The following TIGD7 variants were observed in gnomAD, a reference collection of about 807,000 sequenced individuals.
The protein encoded by TIGD7 is tigger transposable element-derived protein 7.
A neutral mutation model predicts 24.8 loss-of-function variants in TIGD7; 26 were observed. The ratio of observed to expected loss-of-function variants is 1.05; its 90% confidence interval spans 0.77 to 1.45. TIGD7 has a LOEUF of 1.45. Ranked by LOEUF, TIGD7 falls within the 40% of genes most tolerant of loss-of-function variation. TIGD7 has a pLI of 0.00. For missense variants in TIGD7, 679 were observed against 641.6 expected, an observed-to-expected ratio of 1.06 and a Z score of -0.63; for synonymous variants, 221 against 224.1, an observed-to-expected ratio of 0.99 and a Z score of 0.12.
chr16:3,299,493 G>A lies in TIGD7; in HGVS notation c.1122C>T (p.Tyr374=). 1 of 1,541,398 alleles carries A rather than the reference G, an allele frequency of 6.5e-7. No homozygotes were observed. ...AGTTAAAAATTGCACTTTTTATATT[G>A]TAGATTTTAATTTTGGAAACTCCTT... ...GDKGVSKIKI[Y]NIKSAIFNWA... is the part of the protein sequence containing the mutation. The change falls in exon 2 of 2, where the codon TAC becomes TAT. Residue 374 remains tyrosine, a synonymous_variant. Coordinates refer to ENST00000396862, the MANE Select transcript of TIGD7 (RefSeq NM_033208.4).
rs1294480211 is a variant in TIGD7, at chr16:3,300,487, T to C, written c.128A>G (p.Tyr43Cys). The change falls in exon 2 of 2, where the codon TAT becomes TGT. Residue 43 changes from tyrosine to cysteine, a missense_variant. Physicochemically the swap from Tyr to Cys is radical, Grantham distance 194. Coordinates refer to ENST00000396862, the MANE Select transcript of TIGD7 (RefSeq NM_033208.4). ...TAACTTCTTATTTTTTTTAATGTCA[T>C]AAAATGTTGACTTACTGATTCCAAA... is the stretch of plus-strand genomic sequence containing the variant. Reference protein sequence around the residue: ...DEFGISKSTFYDIKKNKKLIL... With the variant: ...DEFGISKSTFCDIKKNKKLIL... The C allele has an allele frequency of 2.0e-5, 32 of 1,614,062 alleles. No individual in the cohort carries two copies. The highest frequency in any genetic ancestry group is 2.5e-5 in the Non-Finnish European group (29 of 1,180,034).
intron 1 of TIGD7, among the ~76,000 whole-genome samples, chr16:3,302,500 C>T (rs964938328): frequency 6.6e-6 from 1 of 152,076 alleles, no homozygotes; most frequent in Non-Finnish European, 1.5e-5. Flanking sequence ...ACATTCATTG[C>T]AAGAAATGCC....
rs188116112 is a variant in TIGD7 at position 3,305,362 on chromosome 16, G to T, written c.-1546C>A. ...TAGGCTTCAGCGGGTCTGGATACTCGGTGGCATTAACCCTTCCCTACCGCC... is the reference window on the plus strand; with the variant it reads ...TAGGCTTCAGCGGGTCTGGATACTCTGTGGCATTAACCCTTCCCTACCGCC... On this transcript the variant is annotated 5_prime_UTR_variant, in exon 1 of 2. Coordinates refer to ENST00000396862, the MANE Select transcript of TIGD7 (RefSeq NM_033208.4). The T allele has an allele frequency of 3.3e-3, 509 of 152,454 alleles. 3 individuals are homozygous for T. Among genetic ancestry groups the T allele is most frequent in the African/African-American group, 0.012 (479 of 41,604 alleles). The allele number at this position is 152,454 out of a possible 1,614,324, so 9.4% of individuals were successfully genotyped here. A position where few individuals can be genotyped will look rare whatever the true frequency, so the allele number is the denominator to read the frequency against.
In TIGD7 at chr16:3,299,761, T is replaced by A. The variant is rs1188761682; in HGVS notation, c.854A>T (p.His285Leu). 1 of 1,549,536 alleles carries A rather than the reference T, an allele frequency of 6.5e-7. No individual in the cohort carries two copies. The highest frequency in any genetic ancestry group is 8.7e-7 in the Non-Finnish European group (1 of 1,152,720). ...RHFQLNVLRF[H>L]DEDVRALLLL... ...TAACAATGCCCTGACGTCCTCGTCATGAAATCTTAGAACATTAAGTTGAAA... is the reference window on the plus strand; with the variant it reads ...TAACAATGCCCTGACGTCCTCGTCAAGAAATCTTAGAACATTAAGTTGAAA... The change falls in exon 2 of 2, where the codon CAT (histidine) becomes CTT (leucine). Residue 285 changes from histidine (H) to leucine (L), a missense_variant. Coordinates refer to ENST00000396862, the MANE Select transcript of TIGD7 (RefSeq NM_033208.4).
At position 3,299,393 on chromosome 16, in the gene TIGD7, G is replaced by T; in HGVS notation, c.1222C>A (p.Pro408Thr). 1 of 1,549,650 alleles carries T rather than the reference G, an allele frequency of 6.5e-7. No individual in the cohort carries two copies. Among genetic ancestry groups the T allele is most frequent in the Non-Finnish European group, 8.7e-7 (1 of 1,149,584 alleles). The change falls in exon 2 of 2, where the codon CCT (proline) becomes ACT (threonine). Residue 408 changes from proline (P) to threonine (T), a missense_variant. By Grantham distance (38) the Pro-to-Thr change is conservative. Coordinates refer to ENST00000396862, the MANE Select transcript of TIGD7 (RefSeq NM_033208.4). ...AWENLLYKKEPEYDFQGLEHG... is the reference protein window; with the variant it reads ...AWENLLYKKETEYDFQGLEHG... ...TCTAAGCCTTGAAAATCATATTCAG[G>T]TTCCTTTTTGTAAAGAAGATTTTCC...
intron 1 of TIGD7, among the ~76,000 whole-genome samples, chr16:3,304,212 TCTAA>T (rs1244773511): frequency 6.6e-6 from 1 of 152,216 alleles, no homozygotes; most frequent in African/African-American, 2.4e-5. Context: ...AAACTCGTTT[TCTAA>T]CTTTTAAAAC....
At position 3,300,595 on chromosome 16, in the gene TIGD7, T is replaced by G. The variant is rs375506385; in HGVS notation, c.20A>C (p.Tyr7Ser). ...TTTCTCCTCCAAATTCAGTGTTGTATATTTCCCTCTCTTATTCATACTGAA... is the reference window on the plus strand; with the variant it reads ...TTTCTCCTCCAAATTCAGTGTTGTAGATTTCCCTCTCTTATTCATACTGAA... The part of the protein sequence containing the change: MNKRGK[Y>S]TTLNLEEKMK... The change falls in exon 2 of 2, where the codon TAT becomes TCT. Residue 7 changes from tyrosine (Y) to serine (S), a missense_variant. Transcript: ENST00000396862. 2 of 1,585,590 alleles carry G rather than the reference T, an allele frequency of 1.3e-6. No homozygotes were observed. The highest frequency in any genetic ancestry group is 1.4e-5 in the African/African-American group (1 of 73,776).
Position 3,299,396 on chromosome 16 carries a change from C to T in TIGD7, c.1219G>A (p.Glu407Lys). 6.4e-7 allele frequency: 1 copy of T among 1,551,998 alleles called. No individual in the cohort carries two copies. The highest frequency in any genetic ancestry group is 8.7e-7 in the Non-Finnish European group (1 of 1,150,872). ...AAGCCTTGAAAATCATATTCAGGTTCCTTTTTGTAAAGAAGATTTTCCCAT... is the reference window on the plus strand; with the variant it reads ...AAGCCTTGAAAATCATATTCAGGTTTCTTTTTGTAAAGAAGATTTTCCCAT... The part of the protein sequence containing the change: ...NAWENLLYKK[E>K]PEYDFQGLEH... Residue 407 changes from glutamate to lysine, a missense_variant, in exon 2 of 2, where the codon GAA (glutamate) becomes AAA (lysine). By Grantham distance (56) the Glu-to-Lys change is moderately conservative. Coordinates refer to ENST00000396862, the MANE Select transcript of TIGD7 (RefSeq NM_033208.4).
intron 1 of TIGD7, chr16:3,303,907 A>G (rs1960021412): frequency 6.6e-6 from 1 of 152,208 alleles, no homozygotes; most frequent in African/African-American, 2.4e-5. Context: ...AACTCGGCTC[A>G]CTGCAAGCTC....
In TIGD7 at chr16:3,301,054, A is replaced by C. The variant is rs1476200011; in HGVS notation, c.-440T>G. 1 of 170,962 alleles carries C rather than the reference A, an allele frequency of 5.8e-6. No individual in the cohort carries two copies. The highest frequency in any genetic ancestry group is 1.4e-5 in the Non-Finnish European group (1 of 70,866). The allele number at this position is 170,962 out of a possible 1,614,324, so 10.6% of individuals were successfully genotyped here. A position where few individuals can be genotyped will look rare whatever the true frequency, so the allele number is the denominator to read the frequency against. On this transcript the variant is annotated 5_prime_UTR_variant, in exon 2 of 2. Transcript: ENST00000396862. Reference sequence around the variant, plus strand: ...GTGTGATAAGTTTCCATAAAAACTGATGCTTCAGAAGAAGGGAGCGTGAAA... The same window carrying C: ...GTGTGATAAGTTTCCATAAAAACTGCTGCTTCAGAAGAAGGGAGCGTGAAA...
Position 3,300,629 on chromosome 16 carries a change from T to G in TIGD7, c.-15A>C. 9 of 1,534,822 alleles carry G rather than the reference T, an allele frequency of 5.9e-6. No individual in the cohort carries two copies. The highest frequency in any genetic ancestry group is 7.9e-6 in the Non-Finnish European group (9 of 1,144,584). On this transcript the variant is annotated 5_prime_UTR_variant, in exon 2 of 2. Transcript: ENST00000396862. ...CTCTTATTCATACTGAATTTAACTC[T>G]GAACCACCAACAGGAGAAAACAAAG...
chr16:3,300,503 T>C lies in TIGD7; in HGVS notation c.112A>G (p.Ser38Gly). The C allele has an allele frequency of 6.2e-7, 1 of 1,614,186 alleles. No homozygotes were observed. The highest frequency in any genetic ancestry group is 8.5e-7 in the Non-Finnish European group (1 of 1,180,036). ...LKSVMDEFGI[S>G]KSTFYDIKKN... Reference sequence around the variant, plus strand: ...TTAATGTCATAAAATGTTGACTTACTGATTCCAAATTCATCCATTACACTT... The same window carrying C: ...TTAATGTCATAAAATGTTGACTTACCGATTCCAAATTCATCCATTACACTT... Residue 38 changes from serine to glycine, a missense_variant, in exon 2 of 2, where the codon AGT (serine) becomes GGT (glycine). Coordinates refer to ENST00000396862, the MANE Select transcript of TIGD7 (RefSeq NM_033208.4).
In TIGD7 at chr16:3,300,293, C is replaced by G. The variant is rs984513113; in HGVS notation, c.322G>C (p.Glu108Gln). ...VRGVELQAAA[E>Q]RFARCFGRTD... ...CGCCCAAAACACCGTGCAAATCTCT[C>G]TGCAGCAGCCTGAAGCTCCACGCCT... Residue 108 changes from glutamate to glutamine, a missense_variant, in exon 2 of 2, where the codon GAG becomes CAG. Physicochemically the swap from Glu to Gln is conservative, Grantham distance 29. Transcript: ENST00000396862. 10 of 1,614,110 alleles carry G rather than the reference C, an allele frequency of 6.2e-6. No homozygotes were observed. The highest frequency in any genetic ancestry group is 1.3e-5 in the African/African-American group (1 of 74,920).
chr16:3,304,548 C>G (rs1960057624), intron 1 of TIGD7, among the ~76,000 whole-genome samples: 1 of 152,244 alleles, frequency 6.6e-6, no homozygotes, highest in Non-Finnish European at 1.5e-5. Context: ...ATTGGCTACA[C>G]ATAGCTGACT....
At chr16:3,303,074 G>A (rs1005095511) in intron 1 of TIGD7, among the ~76,000 whole-genome samples, 5 of 152,092 alleles carry the variant, frequency 3.3e-5, no homozygotes, top group Non-Finnish European at 5.9e-5. Context: ...CTGACCTCAA[G>A]TGATCCACCC....
rs1234651291 is a variant in TIGD7, at chr16:3,301,149, A to T, written c.-535T>A. 6.0e-6 allele frequency: 1 copy of T among 167,610 alleles called. No homozygotes were observed. Among genetic ancestry groups the T allele is most frequent in the African/African-American group, 2.4e-5 (1 of 41,456 alleles). 10.4% of individuals were successfully genotyped at this position (167,610 alleles called of 1,614,324 possible). A position where few individuals can be genotyped will look rare whatever the true frequency, so the allele number is the denominator to read the frequency against. The stretch of plus-strand genomic sequence containing the variant: ...CAATGTGGCTTCTCCCCTTCCAAAA[A>T]GACCTGATTTTACCTCACTGCCAGA... On this transcript the variant is annotated 5_prime_UTR_variant, in exon 2 of 2. Coordinates refer to ENST00000396862, the MANE Select transcript of TIGD7 (RefSeq NM_033208.4).
chr16:3,299,664 C>T lies in TIGD7; in HGVS notation c.951G>A (p.Met317Ile). Residue 317 changes from methionine (M) to isoleucine (I), a missense_variant, in exon 2 of 2, where the codon ATG (methionine) becomes ATA (isoleucine). Met to Ile is a conservative substitution (Grantham distance 10). Coordinates refer to ENST00000396862, the MANE Select transcript of TIGD7 (RefSeq NM_033208.4). ...AGGTTGAAGTGTTATGGGGGAAGAA[C>T]ATACATTTTATTCGACCATCCTCAC... ...LTSEDGRIKCMFFPHNTSTLI... is the reference protein window; with the variant it reads ...LTSEDGRIKCIFFPHNTSTLI... 4 of 1,551,960 alleles carry T rather than the reference C, an allele frequency of 2.6e-6. No individual in the cohort carries two copies. Among genetic ancestry groups the T allele is most frequent in the Non-Finnish European group, 3.5e-6 (4 of 1,156,224 alleles).
chr16:3,303,763 G>A (rs972262604), intron 1 of TIGD7: 2 of 152,186 alleles, frequency 1.3e-5, no homozygotes, highest in Non-Finnish European at 2.9e-5. Flanking sequence ...ACTTACCTTA[G>A]ATGAACTGCC....
chr16:3,302,691 A>AT (rs752463374), intron 1 of TIGD7, among the ~76,000 whole-genome samples: 1 of 152,200 alleles, frequency 6.6e-6, no homozygotes, highest in Non-Finnish European at 1.5e-5. Flanking sequence ...AAATAGAAAA[A>AT]TAAAAAAGTA....
Sources: allele counts gnomAD v4.1 joint callset (sites outside exome capture counted in the v4.1 genomes callset), GRCh38; gene constraint gnomAD v4.1.1; transcripts MANE v1.5; gene names NCBI Gene and HGNC (gene_info 2026-07-23, HGNC 2026-07-21).